The following TOP6BL variants were observed in gnomAD, a reference collection of about 807,000 sequenced individuals.
TOP6BL encodes the protein type 2 DNA topoisomerase 6 subunit B-like.
At chr11:66,815,291 T>TA in the TOP6BL span, among the ~76,000 whole-genome samples, 1 of 152,190 alleles carries the variant, frequency 6.6e-6, no homozygotes, top group African/African-American at 2.4e-5. Flanking sequence ...TGGAAATGAA[T>TA]AACGTAGGAA....
chr11:66,821,862 GC>G, the TOP6BL span: 1 of 1,385,898 alleles, frequency 7.2e-7, no homozygotes, highest in East Asian at 2.4e-5. Context: ...CTCCCTTAAT[GC>G]CCCTTCCTCT....
At chr11:66,759,759 A>G in the TOP6BL span, among the ~76,000 whole-genome samples, 1 of 151,930 alleles carries the variant, frequency 6.6e-6, no homozygotes, top group Admixed American at 6.6e-5. Context: ...AATTTTTTGT[A>G]TCTTAGTAGA....
At chr11:66,801,010 T>A in the TOP6BL span, 9 of 1,612,514 alleles carry the variant, frequency 5.6e-6, no homozygotes, top group Admixed American at 8.3e-5. Flanking sequence ...AGAGATGGCT[T>A]AGCTTTGCTT....
chr11:66,827,897 G>A, the TOP6BL span, among the ~76,000 whole-genome samples: 5 of 149,868 alleles, frequency 3.3e-5, no homozygotes, highest in East Asian at 2.0e-4. Context: ...TCTAGGGGGC[G>A]GAGGGTGCAG....
the TOP6BL span, among the ~76,000 whole-genome samples, chr11:66,784,329 T>G: frequency 1.3e-5 from 2 of 152,050 alleles, no homozygotes; most frequent in Non-Finnish European, 2.9e-5. Context: ...CACTGCACCC[T>G]GCCATTTTTT....
the TOP6BL span, chr11:66,800,907 G>A: frequency 9.1e-7 from 1 of 1,096,146 alleles, no homozygotes; most frequent in East Asian, 2.6e-5. Flanking sequence ...TTTTCCCCTT[G>A]GTTAATTAGT....
chr11:66,817,736 CATT>C, the TOP6BL span, among the ~76,000 whole-genome samples: 12 of 152,038 alleles, frequency 7.9e-5, no homozygotes, highest in Middle Eastern at 3.4e-3. Context: ...CACACCAGGC[CATT>C]ATTATTATTA....
the TOP6BL span, chr11:66,801,294 C>T: frequency 1.7e-6 from 1 of 600,952 alleles, no homozygotes; most frequent in Non-Finnish European, 2.9e-6. Flanking sequence ...GTATTTGAAT[C>T]TATTCTAAAT....
the TOP6BL span, among the ~76,000 whole-genome samples, chr11:66,812,148 G>A: frequency 6.6e-6 from 1 of 151,040 alleles, no homozygotes; most frequent in African/African-American, 2.4e-5. Context: ...GCACATCTTG[G>A]CTCCTCAAAC....
chr11:66,843,028 G>A, the TOP6BL span: 3 of 1,555,144 alleles, frequency 1.9e-6, no homozygotes, highest in East Asian at 2.4e-5. Flanking sequence ...TCACGGCAGG[G>A]CCCTGGCGCC....
chr11:66,804,959 C>T, the TOP6BL span, among the ~76,000 whole-genome samples: 30 of 152,246 alleles, frequency 2.0e-4, no homozygotes, highest in South Asian at 2.1e-4. Flanking sequence ...CCCAGCTACT[C>T]AGGAGGCTGA....
At chr11:66,832,259 G>A in the TOP6BL span, among the ~76,000 whole-genome samples, 1,644 of 151,768 alleles carry the variant, frequency 0.011, 37 homozygotes, top group African/African-American at 0.037. Flanking sequence ...CACCATGCCC[G>A]ACTAATTGTT....
At chr11:66,808,831 A>C in the TOP6BL span, among the ~76,000 whole-genome samples, 1 of 152,248 alleles carries the variant, frequency 6.6e-6, no homozygotes, top group East Asian at 1.9e-4. Flanking sequence ...CAGAGTAAAG[A>C]GTAAAACTGT....
At chr11:66,782,499 T>A in the TOP6BL span, among the ~76,000 whole-genome samples, 1 of 152,128 alleles carries the variant, frequency 6.6e-6, no homozygotes, top group East Asian at 1.9e-4. Context: ...CCAGGTACTT[T>A]CACAACTCCA....
At chr11:66,766,774 C>T in the TOP6BL span, among the ~76,000 whole-genome samples, 1 of 152,280 alleles carries the variant, frequency 6.6e-6, no homozygotes, top group African/African-American at 2.4e-5. Flanking sequence ...TGACATGTCT[C>T]CTAAACTCCA....
the TOP6BL span, chr11:66,744,816 A>AGGGGGC: frequency 3.1e-5 from 29 of 946,474 alleles, no homozygotes; most frequent in East Asian, 6.7e-5. Flanking sequence ...CGGGCTGAGG[A>AGGGGGC]GGGGGCGGCG....
At chr11:66,775,675 T>C in the TOP6BL span, among the ~76,000 whole-genome samples, 49 of 152,338 alleles carry the variant, frequency 3.2e-4, 1 homozygote, top group East Asian at 7.1e-3. Context: ...AGTTCACTTA[T>C]GGTTCTGCAA....
chr11:66,824,296 A>C, the TOP6BL span, among the ~76,000 whole-genome samples: 1 of 151,496 alleles, frequency 6.6e-6, no homozygotes, highest in Non-Finnish European at 1.5e-5. Context: ...CCCAGGCTGG[A>C]GTGCAATGGC....
the TOP6BL span, chr11:66,821,647 C>T: frequency 1.2e-6 from 2 of 1,605,310 alleles, no homozygotes; most frequent in Non-Finnish European, 1.7e-6. Flanking sequence ...CCTTAGGAGT[C>T]TATACTTTGC....
Sources: gnomAD v4.1 joint callset for allele counts (sites outside exome capture counted in the v4.1 genomes callset) on GRCh38, gnomAD v4.1.1 for gene constraint, MANE v1.5 for transcripts, NCBI Gene and HGNC (gene_info 2026-07-23, HGNC 2026-07-21) for gene names.